The following KCNC3 variants were observed in gnomAD, a reference collection of about 807,000 sequenced individuals.
KCNC3 encodes the protein voltage-gated potassium channel KCNC3.
KCNC3 carries 22 observed loss-of-function variants against 43.9 expected under a neutral mutation model. The ratio of observed to expected loss-of-function variants is 0.50; its 90% CI spans 0.36 to 0.72. The LOEUF (loss-of-function observed/expected upper bound fraction) is 0.72, where lower values mean the gene tolerates loss of function less well. KCNC3 is among the 30% of genes least tolerant of loss of function. The pLI is 0.00. For missense variants in KCNC3, 829 were observed against 1,073.8 expected (o/e 0.77, Z 3.19); for synonymous variants, 492 against 488.0 (o/e 1.01, Z -0.11).
At chr19:50,317,583 C>T (rs1276172379) in intron 4 of KCNC3, among the ~76,000 whole-genome samples, 1 of 152,116 alleles carries the variant, frequency 6.6e-6, no homozygotes, top group Non-Finnish European at 1.5e-5. Flanking sequence ...GAAAATCCGT[C>T]CTGATCTTTC....
chr19:50,323,032 C>T lies in KCNC3; in HGVS notation c.1921G>A (p.Ala641Thr). ...GCCAACGGGCAAGGCTCGCCGGGGG[C>T]TGGCAGAGGAGGCAGCCCCATGATC... Reference protein sequence around the residue: ...LGIMGLPPLPAPGEPCPLAQE... With the variant: ...LGIMGLPPLPTPGEPCPLAQE... Residue 641 changes from alanine (A) to threonine (T), a missense_variant, in exon 2 of 5, where the codon GCC becomes ACC. Ala to Thr is a moderately conservative substitution (Grantham distance 58). Around this residue, in one of 7 missense-constraint regions of KCNC3, gnomAD observed 308 missense variants for 276.2 expected, o/e 1.11. Transcript: ENST00000477616. The T allele has an allele frequency of 6.5e-7, 1 of 1,545,154 alleles. No homozygotes were observed. The highest frequency in any genetic ancestry group is 8.7e-7 in the Non-Finnish European group (1 of 1,145,118).
chr19:50,316,996 G>T (rs988061465), intron 4 of KCNC3, among the ~76,000 whole-genome samples: 1 of 151,974 alleles, frequency 6.6e-6, no homozygotes, highest in Non-Finnish European at 1.5e-5. Flanking sequence ...AAGAGAAGCA[G>T]GGACCTCCCC....
In KCNC3 at chr19:50,323,933, C is replaced by T; in HGVS notation, c.1020G>A (p.Val340=). Residue 340 remains valine (V), a synonymous_variant, in exon 2 of 5, where the codon GTG becomes GTA. Transcript: ENST00000477616. Reference sequence around the variant, plus strand: ...TCAGGAAGGGCTCCGTCTCCACCTCCACGTTGGTGATGTTCTCCGGAGGTG... The same window carrying T: ...TCAGGAAGGGCTCCGTCTCCACCTCTACGTTGGTGATGTTCTCCGGAGGTG... ...PGAPPENITN[V]EVETEPFLTY... The T allele has an allele frequency of 6.2e-7, 1 of 1,614,214 alleles. No individual in the cohort carries two copies. Among genetic ancestry groups the T allele is most frequent in the Non-Finnish European group, 8.5e-7 (1 of 1,180,042 alleles).
At chr19:50,325,754 G>A (rs1031157319) in intron 1 of KCNC3, among the ~76,000 whole-genome samples, 2 of 152,062 alleles carry the variant, frequency 1.3e-5, no homozygotes, top group Non-Finnish European at 2.9e-5. Flanking sequence ...ACGGCGGCCA[G>A]TACCGCGGAC....
chr19:50,330,159 C>T (rs1481624734), upstream of KCNC3, among the ~76,000 whole-genome samples: 2 of 151,904 alleles, frequency 1.3e-5, no homozygotes, highest in Non-Finnish European at 2.9e-5. Flanking sequence ...CCCAGCTAGT[C>T]GGGAGGTTGA....
intron 1 of KCNC3, among the ~76,000 whole-genome samples, chr19:50,325,362 C>T (rs370964461): frequency 6.6e-6 from 1 of 152,002 alleles, no homozygotes; most frequent in Non-Finnish European, 1.5e-5. Context: ...GCACAGAGCA[C>T]GGGGAGGCCA....
rs1044081915 is a variant in KCNC3 at position 50,315,306 on chromosome 19, G to A, written c.*809C>T. 1.3e-5 allele frequency among the ~76,000 whole-genome samples: 2 copies of A among 151,758 alleles called. No individual in the cohort carries two copies. The highest frequency in any genetic ancestry group is 2.9e-5 in the Non-Finnish European group (2 of 67,944). ...ACATCGGGGAGGGGGGAGAGACTCC[G>A]GATTAGGAGGCAGGTTGGTGCCCAC... On this transcript the variant is annotated 3_prime_UTR_variant, in exon 5 of 5. Transcript: ENST00000477616.
intron 4 of KCNC3, among the ~76,000 whole-genome samples, chr19:50,317,809 C>T (rs73060495): frequency 0.027 from 4,166 of 152,262 alleles, 107 homozygotes; most frequent in African/African-American, 0.068. Context: ...TCCTTTTCTT[C>T]CCCCAGAGAT....
intron 4 of KCNC3, among the ~76,000 whole-genome samples, chr19:50,319,906 T>C (rs920265226): frequency 6.3e-4 from 96 of 151,396 alleles, no homozygotes; most frequent in African/African-American, 2.3e-3. Flanking sequence ...GTTTTCCTGA[T>C]TGAATTTTTA....
intron 1 of KCNC3, among the ~76,000 whole-genome samples, chr19:50,326,091 G>C (rs1483949825): frequency 1.3e-5 from 2 of 152,112 alleles, no homozygotes; most frequent in Non-Finnish European, 2.9e-5. Flanking sequence ...GGGGCTGTAG[G>C]GTCGGACCCT....
chr19:50,329,017 C>T lies in KCNC3; in HGVS notation c.66G>A (p.Ala22=). The change falls in exon 1 of 5, where the codon GCG becomes GCA. Residue 22 remains alanine, a synonymous_variant. Coordinates refer to ENST00000477616, the MANE Select transcript of KCNC3 (RefSeq NM_004977.3). The stretch of plus-strand genomic sequence containing the variant: ...GGGACTCGGGCGGCTGCGGCGGTGG[C>T]GCCGGCTGCTGCTTGCTGGCCCCCT... The part of the protein sequence containing the change: ...GRQGASKQQP[A]PPPQPPESPP... 3.1e-6 allele frequency: 4 copies of T among 1,307,830 alleles called. No homozygotes were observed. The highest frequency in any genetic ancestry group is 3.1e-5 in the Admixed American group (1 of 32,376). 81.0% of individuals were successfully genotyped at this position (1,307,830 alleles called of 1,614,324 possible).
In KCNC3 at chr19:50,320,577, AG is replaced by A. The variant is rs757630847; in HGVS notation, c.2170+15del. On this transcript the variant is annotated intron_variant, in intron 3 of 4. Transcript: ENST00000477616. ...AGAGGGAGGGTCCCAGGGGATCAGT[AG>A]GGGGGGCACCTCACCTTTTCGGATG... 33 of 1,603,860 alleles carry A rather than the reference AG, an allele frequency of 2.1e-5. No homozygotes were observed. Among genetic ancestry groups the A allele is most frequent in the South Asian group, 1.3e-4 (12 of 90,206 alleles).
chr19:50,327,764 G>A (rs1158489960), intron 1 of KCNC3, among the ~76,000 whole-genome samples: 1 of 151,974 alleles, frequency 6.6e-6, no homozygotes, highest in African/African-American at 2.4e-5. Flanking sequence ...TCTTCTGAGG[G>A]GCTGGGGAAG....
chr19:50,330,019 C>T (rs2037167471), upstream of KCNC3, among the ~76,000 whole-genome samples: 1 of 152,158 alleles, frequency 6.6e-6, no homozygotes, highest in Non-Finnish European at 1.5e-5. Flanking sequence ...GTAACGCCAG[C>T]ACTTTGCGAG....
chr19:50,328,663 G>A lies in KCNC3; in HGVS notation c.420C>T (p.His140=). The change falls in exon 1 of 5, where the codon CAC becomes CAT. Residue 140 remains histidine, a synonymous_variant. Coordinates refer to ENST00000477616, the MANE Select transcript of KCNC3 (RefSeq NM_004977.3). ...TGAGCACGTACGCGAAGACTCCCGG[G>A]TGCCGGTCAAAGAAGAACTCGTCGG... The part of the protein sequence containing the change: ...PGADEFFFDR[H]PGVFAYVLNY... 3 of 1,611,234 alleles carry A rather than the reference G, an allele frequency of 1.9e-6. No individual in the cohort carries two copies. The highest frequency in any genetic ancestry group is 2.5e-6 in the Non-Finnish European group (3 of 1,179,254).
chr19:50,327,087 T>TAG (rs1205412392), intron 1 of KCNC3, among the ~76,000 whole-genome samples: 5 of 150,382 alleles, frequency 3.3e-5, no homozygotes, highest in Non-Finnish European at 5.9e-5. Flanking sequence ...GAAAGTCACT[T>TAG]AGACTAGGAA....
rs1601098144 is a variant in KCNC3, at chr19:50,323,276, C to T, written c.1677G>A (p.Lys559=). 6.8e-6 allele frequency: 11 copies of T among 1,608,186 alleles called. No individual in the cohort carries two copies. The highest frequency in any genetic ancestry group is 8.5e-6 in the Non-Finnish European group (10 of 1,179,962). ...GCGGGGGCCGGGGGATGTGTTTGTT[C>T]TTCTTCTTGGGCAGCTTCTGCTTGG... The part of the protein sequence containing the change: ...AMAKQKLPKK[K]NKHIPRPPQP... The change falls in exon 2 of 5, where the codon AAG becomes AAA. Residue 559 remains lysine, a synonymous_variant. Transcript: ENST00000477616.
Position 50,313,970 on chromosome 19 carries a change from C to T in KCNC3, c.*2145G>A, listed in dbSNP as rs2036911859. On this transcript the variant is annotated 3_prime_UTR_variant, in exon 5 of 5. Transcript: ENST00000477616. Reference sequence around the variant, plus strand: ...AGATGTGGCGTGCCAGGGTCAGTCTCAGAATTCTGGGTGCAGGTCTCATGT... The same window carrying T: ...AGATGTGGCGTGCCAGGGTCAGTCTTAGAATTCTGGGTGCAGGTCTCATGT... 1 of 152,030 alleles carries T rather than the reference C, an allele frequency of 6.6e-6. No individual in the cohort carries two copies. The highest frequency in any genetic ancestry group is 1.9e-4 in the East Asian group (1 of 5,158). 9.4% of individuals were successfully genotyped at this position (152,030 alleles called of 1,614,324 possible). A position where few individuals can be genotyped will look rare whatever the true frequency, so the allele number is the denominator to read the frequency against.
At chr19:50,320,830 G>C (rs2037023783) in intron 2 of KCNC3, 46 bp from the exon 3 acceptor site, 1 of 1,592,562 alleles carries the variant, frequency 6.3e-7, no homozygotes, top group Admixed American at 1.7e-5. Flanking sequence ...AGAGAGTGAG[G>C]TGCGGTGAAC....
Sources: gnomAD v4.1 joint callset for allele counts (sites outside exome capture counted in the v4.1 genomes callset) on GRCh38, gnomAD v4.1.1 for gene constraint, gnomAD v4.1.1 regional missense constraint, MANE v1.5 for transcripts, NCBI Gene and HGNC (gene_info 2026-07-23, HGNC 2026-07-21) for gene names.